The following PARP8 variants were observed in gnomAD, a reference collection of about 807,000 sequenced individuals.
PARP8 encodes protein mono-ADP-ribosyltransferase PARP8.
Under a neutral mutation model 124.1 loss-of-function variants are expected in PARP8, and 51 were observed. The ratio of observed to expected loss-of-function variants is 0.41; its 90% confidence interval spans 0.33 to 0.52. PARP8 has a LOEUF of 0.52. Ranked by LOEUF, PARP8 falls within the 20% of genes least tolerant of loss-of-function variation. The pLI is 0.21. For missense variants in PARP8, 860 were observed against 1,018.9 expected (o/e 0.84, Z 2.12); for synonymous variants, 391 against 361.5 (o/e 1.08, Z -0.93).
Position 50,826,799 on chromosome 5 carries a change from A to G in PARP8, c.1973A>G (p.Asn658Ser). Residue 658 changes from asparagine to serine, a missense_variant, in exon 19 of 26, where the codon AAC becomes AGC. Asn to Ser is a conservative substitution (Grantham distance 46). This residue lies in a region of PARP8 where 343 missense variants were observed against 474.7 expected (regional missense o/e 0.72). Coordinates refer to ENST00000281631, the MANE Select transcript of PARP8 (RefSeq NM_024615.4). ...NRSHIVKLPVNRQLKFMHTPH... is the reference protein window; with the variant it reads ...NRSHIVKLPVSRQLKFMHTPH... ...TCACATATTGTGAAACTGCCAGTTA[A>G]CAGGGTAAGTTGTTTTTTTTTTTTT... The G allele has an allele frequency of 1.3e-6, 2 of 1,584,486 alleles. No individual in the cohort carries two copies. Among genetic ancestry groups the G allele is most frequent in the Non-Finnish European group, 1.7e-6 (2 of 1,171,852 alleles).
intron 2 of PARP8, among the ~76,000 whole-genome samples, chr5:50,726,178 T>G (rs1756410367): frequency 6.6e-6 from 1 of 152,142 alleles, no homozygotes; most frequent in Admixed American, 6.6e-5. Flanking sequence ...GGTTTGAAGC[T>G]TCACTTTAAT....
chr5:50,813,035 C>G (rs1230054748), intron 14 of PARP8, among the ~76,000 whole-genome samples: 1 of 152,158 alleles, frequency 6.6e-6, no homozygotes, highest in Non-Finnish European at 1.5e-5. Context: ...CATGATGCCT[C>G]CAGCTTGTTC....
chr5:50,796,235 G>A lies in PARP8; in HGVS notation c.1429-747G>A, dbSNP rs547921577. Among the ~76,000 whole-genome samples the A allele has an allele frequency of 1.1e-3, 172 of 152,178 alleles. 1 individual carries two copies. Among genetic ancestry groups the A allele is most frequent in the African/African-American group, 4.0e-3 (167 of 41,524 alleles). ...TGTGTGTTTAGCTCTAACCATTAAT[G>A]TGTAAACACTCAGCAAGAGATGAAA... On this transcript the variant is annotated intron_variant, in intron 12 of 25. Transcript: ENST00000281631.
At chr5:50,766,225 A>G (rs949386575) in intron 7 of PARP8, among the ~76,000 whole-genome samples, 3 of 152,240 alleles carry the variant, frequency 2.0e-5, no homozygotes, top group Non-Finnish European at 2.9e-5. Flanking sequence ...CTGTTGAATC[A>G]TACATGTAAA....
At chr5:50,667,636 G>T (rs1157451672) in intron 1 of PARP8, 2 of 699,024 alleles carry the variant, frequency 2.9e-6, no homozygotes, top group African/African-American at 1.7e-5. Context: ...CCCCCGGGGG[G>T]CAGCGCTCGG....
At chr5:50,784,060 A>G (rs1208812685) in intron 9 of PARP8, among the ~76,000 whole-genome samples, 2 of 152,224 alleles carry the variant, frequency 1.3e-5, no homozygotes, top group East Asian at 1.9e-4. Context: ...TGATTTAAAA[A>G]GAGTGTTTGC....
At chr5:50,690,169 C>T (rs759820746) in intron 2 of PARP8, among the ~76,000 whole-genome samples, 9 of 152,178 alleles carry the variant, frequency 5.9e-5, no homozygotes, top group Non-Finnish European at 1.0e-4. Context: ...TGCAGCCTCT[C>T]AGGAGGGCTC....
At chr5:50,805,139 C>CT (rs1268605875) in intron 14 of PARP8, among the ~76,000 whole-genome samples, 2 of 152,042 alleles carry the variant, frequency 1.3e-5, no homozygotes, top group African/African-American at 4.8e-5. Flanking sequence ...CCTCACTCAG[C>CT]TTTTTTGCTG....
At chr5:50,817,353 AT>A (rs1489485729) in intron 15 of PARP8, among the ~76,000 whole-genome samples, 1 of 152,162 alleles carries the variant, frequency 6.6e-6, no homozygotes, top group African/African-American at 2.4e-5. Flanking sequence ...CAAAGACAGC[AT>A]TTTTTTCATA....
chr5:50,764,992 T>A, intron 7 of PARP8, among the ~76,000 whole-genome samples: 1 of 152,054 alleles, frequency 6.6e-6, no homozygotes, highest in African/African-American at 2.4e-5. Context: ...CTGGGCGCGG[T>A]GGCTCATGCC....
chr5:50,744,586 T>C, intron 2 of PARP8: 1 of 499,860 alleles, frequency 2.0e-6, no homozygotes, highest in South Asian at 3.5e-5. Context: ...TTCAAAGTTG[T>C]GACTTTAAGA....
At chr5:50,767,780 C>T (rs181904258) in intron 7 of PARP8, among the ~76,000 whole-genome samples, 1 of 152,300 alleles carries the variant, frequency 6.6e-6, no homozygotes. Context: ...TCACAAACAT[C>T]TCTCCCACGC....
In PARP8 at chr5:50,844,242, C is replaced by G. The variant is rs1748445517; in HGVS notation, c.*2174C>G. ...CTTTTATGATAATAAAGTAAGATGT[C>G]TTCTTATGACAGTTAATTGAGTTGT... is the stretch of plus-strand genomic sequence containing the variant. On this transcript the variant is annotated 3_prime_UTR_variant, in exon 26 of 26. Transcript: ENST00000281631. 6.6e-6 allele frequency: 1 copy of G among 151,748 alleles called. No homozygotes were observed. Among genetic ancestry groups the G allele is most frequent in the South Asian group, 2.1e-4 (1 of 4,820 alleles). The allele number at this position is 151,748 out of a possible 1,614,324, so 9.4% of individuals were successfully genotyped here.
At chr5:50,749,789 T>C (rs2149551125) in intron 2 of PARP8, among the ~76,000 whole-genome samples, 1 of 152,178 alleles carries the variant, frequency 6.6e-6, no homozygotes, top group East Asian at 1.9e-4. Context: ...AAATACTTTT[T>C]TGGTAAGAAA....
At position 50,668,054 on chromosome 5, in the gene PARP8, G is replaced by A. The variant is rs369484737; in HGVS notation, c.92-17G>A. The A allele has an allele frequency of 2.6e-5, 42 of 1,611,880 alleles. No individual in the cohort carries two copies. The highest frequency in any genetic ancestry group is 3.3e-5 in the Non-Finnish European group (39 of 1,179,984). ...ATCCACTCCAGGGGTAGCTTTTGAC[G>A]GGACTTTCTGTTTCAGATTTCAGAT... On this transcript the variant is annotated splice_polypyrimidine_tract_variant and intron_variant, in intron 1 of 25. Transcript: ENST00000281631.
intron 9 of PARP8, among the ~76,000 whole-genome samples, chr5:50,779,827 C>T (rs962801398): frequency 6.6e-6 from 1 of 152,166 alleles, no homozygotes; most frequent in African/African-American, 2.4e-5. Flanking sequence ...CTTGTTCTTT[C>T]AAATTTATAA....
chr5:50,751,618 T>G (rs1429623898), intron 3 of PARP8, among the ~76,000 whole-genome samples: 1 of 152,114 alleles, frequency 6.6e-6, no homozygotes, highest in Non-Finnish European at 1.5e-5. Flanking sequence ...ATACATAATT[T>G]CATTTGATTC....
chr5:50,738,960 C>G (rs1194414917), intron 2 of PARP8: 1 of 701,978 alleles, frequency 1.4e-6, no homozygotes, highest in Non-Finnish European at 2.6e-6. Context: ...TTTCTAAGCT[C>G]CACATTTTTC....
Position 50,670,964 on chromosome 5 carries a change from G to A in PARP8, c.146+2839G>A, listed in dbSNP as rs550566796. Among the ~76,000 whole-genome samples, 9 of 152,258 alleles carry A rather than the reference G, an allele frequency of 5.9e-5. No homozygotes were observed. The South Asian group carries it at 1.7e-3, about 28-fold the overall frequency. Reference sequence around the variant, plus strand: ...TATACGGTAAGATTAATTTATTCTAGCAATGATCTTGATAATCCCCCTGAT... The same window carrying A: ...TATACGGTAAGATTAATTTATTCTAACAATGATCTTGATAATCCCCCTGAT... On this transcript the variant is annotated intron_variant, in intron 2 of 25. Coordinates refer to ENST00000281631, the MANE Select transcript of PARP8 (RefSeq NM_024615.4).
Sources: allele counts gnomAD v4.1 joint callset (sites outside exome capture counted in the v4.1 genomes callset), GRCh38; gene constraint gnomAD v4.1.1; regional missense constraint gnomAD v4.1.1; transcripts MANE v1.5; gene names NCBI Gene and HGNC (gene_info 2026-07-23, HGNC 2026-07-21).